VIPR1: variants seen among roughly 807,000 people sequenced by gnomAD.
The protein encoded by VIPR1 is vasoactive intestinal polypeptide receptor 1.
Under a neutral mutation model 58.8 loss-of-function variants are expected in VIPR1, and 59 were observed. The observed-to-expected ratio is 1.00, with a 90% CI of 0.81 to 1.25. VIPR1 has a LOEUF of 1.25. VIPR1 is among the 50% of genes most tolerant of loss of function. VIPR1 has a pLI of 0.00. For synonymous variants in VIPR1, 251 were observed against 242.1 expected, an observed-to-expected ratio of 1.04 and a Z score of -0.34; for missense variants, 626 against 602.7, an observed-to-expected ratio of 1.04 and a Z score of -0.40.
chr3:42,517,407 A>T (rs1700688522), intron 2 of VIPR1, among the ~76,000 whole-genome samples: 1 of 152,142 alleles, frequency 6.6e-6, no homozygotes. Flanking sequence ...GATTGCAAAG[A>T]GACAATTAAG....
intron 2 of VIPR1, among the ~76,000 whole-genome samples, 185 bp from the exon 3 acceptor site, chr3:42,519,038 T>C (rs1700775314): frequency 6.6e-6 from 1 of 152,254 alleles, no homozygotes; most frequent in Non-Finnish European, 1.5e-5. Context: ...GCCTCCTTCC[T>C]GCCTCCCTGT....
At chr3:42,497,430 T>C (rs1298388612) in intron 1 of VIPR1, among the ~76,000 whole-genome samples, 1 of 151,874 alleles carries the variant, frequency 6.6e-6, no homozygotes, top group African/African-American at 2.4e-5. Context: ...ACTCACATGC[T>C]CTTACACGCG....
chr3:42,521,354 T>C (rs781696973), intron 3 of VIPR1: 13 of 152,158 alleles, frequency 8.5e-5, no homozygotes, highest in Non-Finnish European at 1.6e-4. Flanking sequence ...TGCACAGCCA[T>C]ACTCTGTGGG....
At chr3:42,527,538 C>T in intron 5 of VIPR1, 42 bp downstream of exon 5, 1 of 1,592,924 alleles carries the variant, frequency 6.3e-7, no homozygotes. Flanking sequence ...GCAAACCTGG[C>T]AAGTGTCCCT....
intron 2 of VIPR1, among the ~76,000 whole-genome samples, chr3:42,518,851 C>A (rs1700763998): frequency 6.6e-6 from 1 of 152,250 alleles, no homozygotes; most frequent in African/African-American, 2.4e-5. Context: ...GGAAGCCATG[C>A]AGAATGTGAG....
At chr3:42,512,949 G>T (rs1216440545) in intron 1 of VIPR1, 1 of 985,320 alleles carries the variant, frequency 1.0e-6, no homozygotes, top group Non-Finnish European at 1.2e-6. Flanking sequence ...TCTTCCACAA[G>T]GTCAGTGACC....
At chr3:42,533,215 C>A (rs142401528) in intron 10 of VIPR1, 4 of 152,368 alleles carry the variant, frequency 2.6e-5, no homozygotes, top group Non-Finnish European at 4.4e-5. Flanking sequence ...TCCTGGGATT[C>A]TTCTTGGCCT....
In VIPR1 at chr3:42,536,091, T is replaced by C. The variant is rs1701826708; in HGVS notation, c.1184T>C (p.Val395Ala). 2 of 1,596,592 alleles carry C rather than the reference T, an allele frequency of 1.3e-6. No homozygotes were observed. The highest frequency in any genetic ancestry group is 1.3e-5 in the African/African-American group (1 of 74,570). The stretch of plus-strand genomic sequence containing the variant: ...CCTGACCACCTTCCCCTCTCCTAGG[T>C]GCAGGCGGAGCTGAGGCGGAAGTGG... ...AILYCFLNGE[V>A]QAELRRKWRR... Residue 395 changes from valine (V) to alanine (A), a missense_variant and splice_region_variant, in exon 13 of 13, where the codon GTG (valine) becomes GCG (alanine). By Grantham distance (64) the Val-to-Ala change is moderately conservative. Transcript: ENST00000325123.
At position 42,528,026 on chromosome 3, in the gene VIPR1, A is replaced by G. The variant is rs775739070; in HGVS notation, c.539A>G (p.His180Arg). 6.2e-7 allele frequency: 1 copy of G among 1,613,790 alleles called. No individual in the cohort carries two copies. The highest frequency in any genetic ancestry group is 1.1e-5 in the South Asian group (1 of 91,070). ...LHCTRNYIHM[H>R]LFISFILRAA... ...TGCACGCGGAACTACATCCACATGCACCTCTTCATATCCTTCATCCTGAGG... is the reference window on the plus strand; with the variant it reads ...TGCACGCGGAACTACATCCACATGCGCCTCTTCATATCCTTCATCCTGAGG... Residue 180 changes from histidine (H) to arginine (R), a missense_variant, in exon 6 of 13, where the codon CAC (histidine) becomes CGC (arginine). Physicochemically the swap from His to Arg is conservative, Grantham distance 29. Transcript: ENST00000325123.
At chr3:42,502,589 C>G (rs907398588), upstream of VIPR1, 3 of 569,766 alleles carry the variant, frequency 5.3e-6, no homozygotes, top group South Asian at 2.5e-4. Context: ...CCCCCGGGGC[C>G]CGCCCCCAGC....
intron 1 of VIPR1, among the ~76,000 whole-genome samples, chr3:42,494,721 T>A (rs1012361103): frequency 1.3e-5 from 2 of 152,220 alleles, no homozygotes; most frequent in Admixed American, 6.5e-5. Flanking sequence ...ATTTCATTGT[T>A]TTCTGTTTTT....
At chr3:42,505,924 G>A (rs1360171651) in intron 1 of VIPR1, among the ~76,000 whole-genome samples, 1 of 152,222 alleles carries the variant, frequency 6.6e-6, no homozygotes, top group African/African-American at 2.4e-5. Context: ...TACCCCTGGA[G>A]CACCAGGGTC....
intron 1 of VIPR1, 194 bp from the exon 2 acceptor site, chr3:42,513,555 G>A (rs1052507425): frequency 1.2e-5 from 7 of 561,424 alleles, no homozygotes; most frequent in Non-Finnish European, 1.9e-5. Context: ...CAGGGTCCTC[G>A]GGGCCGACCC....
At chr3:42,497,198 C>G (rs545420699) in intron 1 of VIPR1, among the ~76,000 whole-genome samples, 18 of 152,166 alleles carry the variant, frequency 1.2e-4, no homozygotes, top group Non-Finnish European at 1.5e-4. Flanking sequence ...GCCTCACCCC[C>G]CTCAGGAATT....
intron 5 of VIPR1, 161 bp from the exon 6 acceptor site, chr3:42,527,830 G>A: frequency 1.9e-6 from 2 of 1,058,920 alleles, no homozygotes; most frequent in Non-Finnish European, 2.7e-6. Context: ...GTACCTGGGG[G>A]TGGGGCTCGT....
chr3:42,532,029 C>T, intron 9 of VIPR1, 160 bp downstream of exon 9: 1 of 955,070 alleles, frequency 1.0e-6, no homozygotes, highest in Non-Finnish European at 1.6e-6. Context: ...ACCAGTTCTT[C>T]CTTGAGCGTA....
rs2125645542 is a variant in VIPR1, at chr3:42,513,829, G to A, written c.159G>A (p.Glu53=). 1.3e-6 allele frequency: 2 copies of A among 1,551,654 alleles called. No individual in the cohort carries two copies. The highest frequency in any genetic ancestry group is 2.7e-5 in the African/African-American group (2 of 73,162). Residue 53 remains glutamate (E), a synonymous_variant, in exon 2 of 13, where the codon GAG becomes GAA. Coordinates refer to ENST00000325123, the MANE Select transcript of VIPR1 (RefSeq NM_004624.4). ...IEVQHKQCLE[E]AQLENETIGC... ...TGCAGCACAAGCAGTGCCTGGAGGA[G>A]GCCCAGCTGGAGAATGAGACAATAG...
upstream of VIPR1, chr3:42,502,507 C>G (rs1039076552): frequency 5.6e-6 from 2 of 355,572 alleles, no homozygotes; most frequent in South Asian, 1.5e-4. Context: ...GGCTCCCCAG[C>G]CCCGCCCCAT....
chr3:42,498,823 G>T (rs371978915), upstream of VIPR1, among the ~76,000 whole-genome samples: 3 of 152,172 alleles, frequency 2.0e-5, no homozygotes, highest in South Asian at 2.1e-4. Context: ...GTGTTGAGAC[G>T]TGAAGGATGA....
Sources: allele counts gnomAD v4.1 joint callset (sites outside exome capture counted in the v4.1 genomes callset), GRCh38; gene constraint gnomAD v4.1.1; transcripts MANE v1.5; gene names NCBI Gene and HGNC (gene_info 2026-07-23, HGNC 2026-07-21).